The following CA5B variants were observed in gnomAD, a reference collection of about 807,000 sequenced individuals.
CA5B encodes the protein carbonic anhydrase 5B.
CA5B carries 15 observed loss-of-function variants against 23.1 expected under a neutral mutation model. That is an observed-to-expected ratio of 0.65 (90% CI 0.43 to 1.00). The LOEUF (loss-of-function observed/expected upper bound fraction) is 1.00. Among genes scored for constraint, CA5B ranks in the 50% least tolerant of loss-of-function variants. The probability of loss-of-function intolerance (pLI) is 0.00; values close to 1 mark genes in which losing one functional copy is unlikely to be tolerated. For synonymous variants in CA5B, 84 were observed against 98.5 expected (o/e 0.85, Z 0.87); for missense variants, 236 against 252.2 (o/e 0.94, Z 0.43).
chrX:15,742,334 A>G (rs775169869), intron 1 of CA5B, among the ~76,000 whole-genome samples: 6 of 109,471 alleles, frequency 5.5e-5, no homozygotes, highest in Admixed American at 2.0e-4. Context: ...CCCCAAGGCA[A>G]TTTTCAACAG....
At chrX:15,756,283 G>GT (rs1931484683) in intron 2 of CA5B, among the ~76,000 whole-genome samples, 1 of 112,344 alleles carries the variant, frequency 8.9e-6, no homozygotes, top group Non-Finnish European at 1.9e-5. Context: ...GAGAGCCTTG[G>GT]TATCAATTTG....
intron 7 of CA5B, among the ~76,000 whole-genome samples, chrX:15,781,822 G>A (rs1932028281): frequency 9.1e-6 from 1 of 110,359 alleles, no homozygotes; most frequent in South Asian, 3.8e-4. Flanking sequence ...GGCTGAGGTG[G>A]GAGATCACCT....
intron 2 of CA5B, among the ~76,000 whole-genome samples, chrX:15,761,088 C>T (rs5978737): frequency 0.027 from 3,009 of 111,711 alleles, 86 homozygotes; most frequent in African/African-American, 0.093. Flanking sequence ...GATAAAATTA[C>T]TAAACATTTT....
intron 3 of CA5B, among the ~76,000 whole-genome samples, chrX:15,768,122 C>A (rs1238396214): frequency 1.8e-5 from 2 of 110,309 alleles, no homozygotes; most frequent in Admixed American, 9.7e-5. Flanking sequence ...GTCTCAAACT[C>A]CTGACCTCAA....
At chrX:15,750,217 C>A in intron 2 of CA5B, 52 bp downstream of exon 2, 1 of 976,294 alleles carries the variant, frequency 1.0e-6, no homozygotes, top group African/African-American at 1.9e-5. Flanking sequence ...GCCTGAGTGA[C>A]AGAGTGAAAT....
rs1931077608 is a variant in CA5B, at chrX:15,739,586, C to A, written c.-54+1234C>A. On this transcript the variant is annotated intron_variant, in intron 1 of 7. Transcript: ENST00000318636. ...CCAGGCAAAAAGCTGCAACCACTCA[C>A]AATTGGAACGCAGTAAAGGTTGAGT... is the stretch of plus-strand genomic sequence containing the variant. Among the ~76,000 whole-genome samples, 2 of 111,119 alleles carry A rather than the reference C, an allele frequency of 1.8e-5. 1 individual carries two copies. Among genetic ancestry groups the A allele is most frequent in the South Asian group, 7.5e-4 (2 of 2,666 alleles).
At chrX:15,739,009 G>C (rs1931066316) in intron 1 of CA5B, among the ~76,000 whole-genome samples, 1 of 111,932 alleles carries the variant, frequency 8.9e-6, no homozygotes, top group Non-Finnish European at 1.9e-5. Context: ...TGAAGGAGAG[G>C]AACCTCCAAA....
At chrX:15,777,117 T>G (rs1371978364) in intron 7 of CA5B, among the ~76,000 whole-genome samples, 1 of 112,349 alleles carries the variant, frequency 8.9e-6, no homozygotes, top group East Asian at 2.8e-4. Flanking sequence ...TATGTCTTCT[T>G]ATGCCTTGTG....
Position 15,774,282 on chromosome X carries a change from C to T in CA5B, c.460-20C>T, listed in dbSNP as rs372918823. ...GATTCTGTATAGTCACGTGTTAACC[C>T]TCTTTTCATGGTGTTTCAGCTGCAC... On this transcript the variant is annotated intron_variant, in intron 4 of 7. Transcript: ENST00000318636. The T allele has an allele frequency of 8.3e-7, 1 of 1,200,722 alleles. No homozygotes were observed. Among genetic ancestry groups the T allele is most frequent in the Non-Finnish European group, 1.1e-6 (1 of 890,015 alleles).
intron 2 of CA5B, among the ~76,000 whole-genome samples, chrX:15,761,689 G>A (rs775155416): frequency 4.5e-5 from 5 of 111,275 alleles, no homozygotes; most frequent in African/African-American, 1.6e-4. Context: ...TGGCACTATT[G>A]GCTTTTGGGT....
intron 3 of CA5B, chrX:15,767,243 G>A (rs1294111267): frequency 7.2e-6 from 1 of 138,339 alleles, no homozygotes; most frequent in Admixed American, 9.5e-5. Context: ...ACAGTATAGG[G>A]ACTGTCTGTT....
intron 2 of CA5B, among the ~76,000 whole-genome samples, chrX:15,761,430 C>T (rs1399120926): frequency 8.9e-6 from 1 of 112,025 alleles, no homozygotes; most frequent in Non-Finnish European, 1.9e-5. Flanking sequence ...GACAGTATGG[C>T]CCAGATTCCA....
Position 15,786,948 on chromosome X carries a change from ACACT to A in CA5B, c.*4288_*4291del, listed in dbSNP as rs1481486975. ...CTGTCTGATTCCATTGTGACAGAAC[ACACT>A]CACACCCAATACATTACATGAAGCA... On this transcript the variant is annotated 3_prime_UTR_variant, in exon 8 of 8. Coordinates refer to ENST00000318636, the MANE Select transcript of CA5B (RefSeq NM_007220.4). 1 of 111,639 alleles carries A rather than the reference ACACT, an allele frequency of 9.0e-6. No individual in the cohort carries two copies. The highest frequency in any genetic ancestry group is 3.3e-5 in the African/African-American group (1 of 30,702). The allele number at this position is 111,639 out of a possible 1,213,427, so 9.2% of individuals were successfully genotyped here.
intron 2 of CA5B, among the ~76,000 whole-genome samples, chrX:15,752,712 G>A (rs764884178): frequency 2.6e-4 from 25 of 96,506 alleles, no homozygotes; most frequent in African/African-American, 4.6e-4. Context: ...GCGACAGAGC[G>A]AGACTCTGTC....
At position 15,776,790 on chromosome X, in the gene CA5B, G is replaced by C. The variant is rs748036481; in HGVS notation, c.695G>C (p.Gly232Ala). 5 of 1,204,942 alleles carry C rather than the reference G, an allele frequency of 4.1e-6. No homozygotes were observed. In the African/African-American group the frequency reaches 8.8e-5, roughly 21 times the overall value. The part of the protein sequence containing the change: ...PTCPDYWTYS[G>A]SLTTPPLSES... ...TGCCCAGATTACTGGACCTACTCAGGGTCTCTGACTACCCCACCCCTCTCC... is the reference window on the plus strand; with the variant it reads ...TGCCCAGATTACTGGACCTACTCAGCGTCTCTGACTACCCCACCCCTCTCC... Residue 232 changes from glycine to alanine, a missense_variant, in exon 7 of 8, where the codon GGG becomes GCG. By Grantham distance (60) the Gly-to-Ala change is moderately conservative. Coordinates refer to ENST00000318636, the MANE Select transcript of CA5B (RefSeq NM_007220.4).
At chrX:15,775,347 T>C in intron 6 of CA5B, 39 bp downstream of exon 6, 1 of 1,166,297 alleles carries the variant, frequency 8.6e-7, no homozygotes, top group Non-Finnish European at 1.1e-6. Context: ...AATATACTTT[T>C]ATGTTTCAAT....
intron 3 of CA5B, among the ~76,000 whole-genome samples, chrX:15,770,675 G>A (rs1931799206): frequency 9.0e-6 from 1 of 111,187 alleles, no homozygotes; most frequent in Non-Finnish European, 1.9e-5. Context: ...GAGGTTACCA[G>A]TGACATCCCA....
At chrX:15,751,172 C>G (rs1367968947) in intron 2 of CA5B, among the ~76,000 whole-genome samples, 2 of 112,163 alleles carry the variant, frequency 1.8e-5, no homozygotes, top group East Asian at 5.6e-4. Context: ...AACATTGGCA[C>G]AGAGTTTTCA....
At position 15,785,288 on chromosome X, in the gene CA5B, AATAG is replaced by A. The variant is rs1319569232; in HGVS notation, c.*2628_*2631del. 1 of 112,577 alleles carries A rather than the reference AATAG, an allele frequency of 8.9e-6. No individual in the cohort carries two copies. Among genetic ancestry groups the A allele is most frequent in the Non-Finnish European group, 1.9e-5 (1 of 53,341 alleles). The allele number at this position is 112,577 out of a possible 1,213,427, so 9.3% of individuals were successfully genotyped here. ...CATCCCAAATGTCCATCAACAGATG[AATAG>A]ATAAAGGAAATGTGGTATATACAGT... On this transcript the variant is annotated 3_prime_UTR_variant, in exon 8 of 8. Transcript: ENST00000318636.
Sources: allele counts gnomAD v4.1 joint callset (sites outside exome capture counted in the v4.1 genomes callset), GRCh38; gene constraint gnomAD v4.1.1; transcripts MANE v1.5; gene names NCBI Gene and HGNC (gene_info 2026-07-23, HGNC 2026-07-21).